NELL2: variants seen among roughly 807,000 people sequenced by gnomAD.
The protein encoded by NELL2 is neural EGFL like 2.
In NELL2, 41 loss-of-function variants were observed where a neutral mutation model predicts 109.6. The observed-to-expected ratio is 0.37, with a 90% CI of 0.29 to 0.49. The LOEUF is 0.49. Among genes scored for constraint, NELL2 ranks in the 20% least tolerant of loss-of-function variants. The probability of loss-of-function intolerance (pLI) is 0.98; values close to 1 mark genes in which losing one functional copy is unlikely to be tolerated. For synonymous variants in NELL2, 355 were observed against 344.7 expected (o/e 1.03, Z -0.33); for missense variants, 900 against 1,008.3 (o/e 0.89, Z 1.45).
intron 12 of NELL2, among the ~76,000 whole-genome samples, chr12:44,699,067 A>G (rs765851230): frequency 7.2e-5 from 11 of 152,328 alleles, no homozygotes; most frequent in African/African-American, 9.6e-5. Context: ...AAAAGATCCC[A>G]TAATTTTCAG....
intron 15 of NELL2, among the ~76,000 whole-genome samples, chr12:44,598,854 TACACACACACAC>T (rs754118280): frequency 8.4e-6 from 1 of 118,440 alleles, no homozygotes; most frequent in East Asian, 2.8e-4. Context: ...AAGAAAGAAA[TACACACACACAC>T]ACACACACAC....
chr12:44,566,656 G>C (rs1302363645), intron 15 of NELL2, among the ~76,000 whole-genome samples: 1 of 152,102 alleles, frequency 6.6e-6, no homozygotes, highest in African/African-American at 2.4e-5. Flanking sequence ...GAAAATCTGA[G>C]TTCAAATCTC....
At chr12:44,746,140 G>T (rs180791856) in intron 9 of NELL2, among the ~76,000 whole-genome samples, 8,125 of 152,114 alleles carry the variant, frequency 0.053, 682 homozygotes, top group African/African-American at 0.18. Flanking sequence ...CAGAAATAAT[G>T]CCGCGTATCT....
chr12:44,606,880 G>C (rs138710732), intron 15 of NELL2, among the ~76,000 whole-genome samples: 57 of 152,184 alleles, frequency 3.7e-4, no homozygotes, highest in African/African-American at 1.3e-3. Flanking sequence ...TTCCAAATGA[G>C]TAAAATGAAT....
chr12:44,587,564 T>C (rs1034060849), intron 15 of NELL2, among the ~76,000 whole-genome samples: 2 of 152,186 alleles, frequency 1.3e-5, no homozygotes, highest in Non-Finnish European at 2.9e-5. Flanking sequence ...GATTAATACA[T>C]AGAATCACAG....
chr12:44,711,226 T>C (rs1225463775), intron 11 of NELL2, 66 bp downstream of exon 11: 22 of 1,141,618 alleles, frequency 1.9e-5, no homozygotes, highest in Non-Finnish European at 2.8e-5. Context: ...TTCTACTTCA[T>C]GTCAGTTGTA....
intron 2 of NELL2, 111 bp from the exon 3 acceptor site, chr12:44,816,247 T>C: frequency 1.1e-6 from 1 of 869,606 alleles, no homozygotes; most frequent in Non-Finnish European, 1.7e-6. Flanking sequence ...TAGCAGCTGA[T>C]AAATACTGAG....
chr12:44,912,653 A>C (rs1945792524), intron 1 of NELL2, among the ~76,000 whole-genome samples: 1 of 152,154 alleles, frequency 6.6e-6, no homozygotes, highest in Non-Finnish European at 1.5e-5. Context: ...CCACCTAATA[A>C]ACTTTTATTT....
chr12:44,530,062 AATAGGTGAGAGAGG>A (rs1941971358), intron 16 of NELL2, among the ~76,000 whole-genome samples: 1 of 152,184 alleles, frequency 6.6e-6, no homozygotes, highest in African/African-American at 2.4e-5. Context: ...AGAATCCTTA[AATAGGTGAGAGAGG>A]ATGAGATGCA....
At chr12:44,820,655 A>C (rs1325409901) in intron 2 of NELL2, among the ~76,000 whole-genome samples, 3 of 151,964 alleles carry the variant, frequency 2.0e-5, no homozygotes, top group Non-Finnish European at 4.4e-5. Flanking sequence ...GAACTTGGTC[A>C]CTAATAAATC....
upstream of NELL2, among the ~76,000 whole-genome samples, chr12:44,918,611 T>G (rs1181148258): frequency 6.6e-6 from 1 of 151,852 alleles, no homozygotes; most frequent in Admixed American, 6.6e-5. Context: ...TTAATTTTCC[T>G]CTTTCCATAT....
At chr12:44,518,408 C>T (rs1347726745) in intron 19 of NELL2, among the ~76,000 whole-genome samples, 1 of 152,024 alleles carries the variant, frequency 6.6e-6, no homozygotes, top group East Asian at 1.9e-4. Context: ...CCATGCCTGG[C>T]TAATTTTTTG....
chr12:44,682,561 T>G (rs1239642968), intron 12 of NELL2, among the ~76,000 whole-genome samples: 5 of 152,222 alleles, frequency 3.3e-5, no homozygotes, highest in African/African-American at 4.8e-5. Flanking sequence ...GGTCTAACAT[T>G]TAAGTCTTTA....
intron 9 of NELL2, among the ~76,000 whole-genome samples, chr12:44,715,989 A>G (rs532083353): frequency 6.6e-6 from 1 of 152,042 alleles, no homozygotes; most frequent in East Asian, 1.9e-4. Context: ...TTTTAGAGAC[A>G]GGGTCTTGCT....
intron 15 of NELL2, among the ~76,000 whole-genome samples, chr12:44,605,705 A>T (rs78261800): frequency 0.035 from 5,282 of 152,098 alleles, 305 homozygotes; most frequent in African/African-American, 0.12. Context: ...ATTCCACACC[A>T]TTATCTTCAC....
chr12:44,617,691 C>CAAAA (rs975070930), intron 13 of NELL2, among the ~76,000 whole-genome samples: 8 of 22,388 alleles, frequency 3.6e-4, no homozygotes, highest in East Asian at 1.4e-3. Flanking sequence ...GACTCCGTCT[C>CAAAA]AAAAAAAAAA....
At chr12:44,826,626 A>G (rs1335552289) in intron 2 of NELL2, among the ~76,000 whole-genome samples, 1 of 152,256 alleles carries the variant, frequency 6.6e-6, no homozygotes, top group African/African-American at 2.4e-5. Flanking sequence ...TAGCTCTATA[A>G]TAATAGAAAT....
chr12:44,600,179 T>TATTG (rs957864737), intron 15 of NELL2, among the ~76,000 whole-genome samples: 3 of 137,922 alleles, frequency 2.2e-5, no homozygotes, highest in African/African-American at 5.7e-5. Context: ...TTTATTTATT[T>TATTG]ATTGTATTTT....
chr12:44,784,884 A>T (rs778523479), intron 3 of NELL2, among the ~76,000 whole-genome samples: 14 of 152,296 alleles, frequency 9.2e-5, no homozygotes, highest in Non-Finnish European at 1.8e-4. Context: ...ACGTATCTCA[A>T]AATAATAAGA....
Sources: gnomAD v4.1 joint callset for allele counts (sites outside exome capture counted in the v4.1 genomes callset) on GRCh38, gnomAD v4.1.1 for gene constraint, MANE v1.5 for transcripts, NCBI Gene and HGNC (gene_info 2026-07-23, HGNC 2026-07-21) for gene names.